Variants in EDN1 observed in about 807,000 individuals in gnomAD.
The protein encoded by EDN1 is endothelin-1.
Under a neutral mutation model 21.7 loss-of-function variants are expected in EDN1, and 11 were observed. The ratio of observed to expected loss-of-function variants is 0.51; its 90% confidence interval spans 0.32 to 0.84. The LOEUF is 0.84. EDN1 is among the 40% of genes least tolerant of loss of function. EDN1 has a pLI of 0.03. For synonymous variants in EDN1, 85 were observed against 90.6 expected (o/e 0.94, Z 0.35); for missense variants, 244 against 262.3 (o/e 0.93, Z 0.48).
the EDN1 span, among the ~76,000 whole-genome samples, chr6:12,260,012 A>C: frequency 1.3e-5 from 2 of 152,010 alleles, no homozygotes; most frequent in African/African-American, 4.8e-5. Flanking sequence ...ATTTCTCTAC[A>C]AAAAAAGGTA....
At chr6:12,257,831 C>T in the EDN1 span, among the ~76,000 whole-genome samples, 1 of 152,068 alleles carries the variant, frequency 6.6e-6, no homozygotes, top group Non-Finnish European at 1.5e-5. Flanking sequence ...AAAGGCTGCT[C>T]GAACAAAATA....
At chr6:12,295,263 C>T (rs1315618979) in intron 4 of EDN1, among the ~76,000 whole-genome samples, 1 of 152,120 alleles carries the variant, frequency 6.6e-6, no homozygotes, top group East Asian at 1.9e-4. Flanking sequence ...TGAACTACTT[C>T]TGAGTTATTT....
chr6:12,231,281 T>G, the EDN1 span, among the ~76,000 whole-genome samples: 1 of 152,116 alleles, frequency 6.6e-6, no homozygotes, highest in Non-Finnish European at 1.5e-5. Context: ...CATTTTTAAT[T>G]GTAAAAACCA....
rs1012072985 is a variant in EDN1 at position 12,296,722 on chromosome 6, C to T, written c.*655C>T. On this transcript the variant is annotated 3_prime_UTR_variant, in exon 5 of 5. Coordinates refer to ENST00000379375, the MANE Select transcript of EDN1 (RefSeq NM_001955.5). ...CCAAACTCTTCCCACCCCTGCTGCC[C>T]CTTCCTCCATCCCCCATACTAAATC... 1.3e-5 allele frequency: 2 copies of T among 153,022 alleles called. No individual in the cohort carries two copies. The highest frequency in any genetic ancestry group is 6.5e-5 in the Admixed American group (1 of 15,432). The allele number at this position is 153,022 out of a possible 1,614,324, so 9.5% of individuals were successfully genotyped here.
At chr6:12,270,792 G>C in the EDN1 span, among the ~76,000 whole-genome samples, 1 of 152,300 alleles carries the variant, frequency 6.6e-6, no homozygotes, top group African/African-American at 2.4e-5. Context: ...AGGTACATTT[G>C]GTTTAGAGTG....
At chr6:12,258,436 T>G in the EDN1 span, among the ~76,000 whole-genome samples, 1 of 102,296 alleles carries the variant, frequency 9.8e-6, no homozygotes. Flanking sequence ...GGTTTCGGAG[T>G]GAGATCATGT....
At chr6:12,240,192 T>C in the EDN1 span, among the ~76,000 whole-genome samples, 32 of 152,284 alleles carry the variant, frequency 2.1e-4, no homozygotes, top group African/African-American at 6.7e-4. Flanking sequence ...TGACCACCTT[T>C]CCCAGACAGC....
the EDN1 span, among the ~76,000 whole-genome samples, chr6:12,262,441 G>A: frequency 6.6e-6 from 1 of 152,314 alleles, no homozygotes; most frequent in East Asian, 1.9e-4. Flanking sequence ...TTCCCAGAGA[G>A]TAGATCTCAC....
At chr6:12,240,285 A>G in the EDN1 span, among the ~76,000 whole-genome samples, 2 of 152,224 alleles carry the variant, frequency 1.3e-5, no homozygotes, top group Non-Finnish European at 2.9e-5. Flanking sequence ...CATTTCCTAA[A>G]GGGAGAGAAA....
the EDN1 span, among the ~76,000 whole-genome samples, chr6:12,273,315 G>A: frequency 2.0e-5 from 3 of 152,184 alleles, no homozygotes; most frequent in Non-Finnish European, 4.4e-5. Context: ...ACCGCAGGTA[G>A]GTATTATGGC....
At chr6:12,233,221 C>T in the EDN1 span, among the ~76,000 whole-genome samples, 1 of 152,206 alleles carries the variant, frequency 6.6e-6, no homozygotes, top group Admixed American at 6.5e-5. Context: ...GCTCTGTCCT[C>T]CTACCTTTTC....
intron 2 of EDN1, 88 bp from the exon 3 acceptor site, chr6:12,293,853 G>C: frequency 1.4e-6 from 2 of 1,469,790 alleles, no homozygotes; most frequent in South Asian, 2.4e-5. Flanking sequence ...TGAGCTCCTT[G>C]TGTGCCCAGT....
chr6:12,285,937 A>G (rs1488988628), upstream of EDN1, among the ~76,000 whole-genome samples: 1 of 152,224 alleles, frequency 6.6e-6, no homozygotes, highest in East Asian at 1.9e-4. Flanking sequence ...GATTTCATGT[A>G]GTTTTTTTAA....
At chr6:12,283,990 T>G in the EDN1 span, among the ~76,000 whole-genome samples, 545 of 152,358 alleles carry the variant, frequency 3.6e-3, 3 homozygotes, top group Admixed American at 7.2e-3. Flanking sequence ...AACCTCAGCT[T>G]CCTCACCCCA....
At chr6:12,273,220 G>A in the EDN1 span, among the ~76,000 whole-genome samples, 2 of 152,192 alleles carry the variant, frequency 1.3e-5, no homozygotes, top group Admixed American at 6.5e-5. Context: ...AGAGAGTGGG[G>A]GCTAGGCCAG....
chr6:12,265,950 C>T, the EDN1 span, among the ~76,000 whole-genome samples: 1 of 152,196 alleles, frequency 6.6e-6, no homozygotes, highest in South Asian at 2.1e-4. Context: ...TCCCTTATTT[C>T]CCAATGACTC....
chr6:12,254,084 T>C, the EDN1 span, among the ~76,000 whole-genome samples: 2 of 152,230 alleles, frequency 1.3e-5, no homozygotes, highest in East Asian at 3.9e-4. Flanking sequence ...ACCCATCTGA[T>C]TATAACATTA....
At chr6:12,290,104 C>T (rs141841346), upstream of EDN1, among the ~76,000 whole-genome samples, 2 of 152,314 alleles carry the variant, frequency 1.3e-5, no homozygotes, top group African/African-American at 4.8e-5. Flanking sequence ...TCCAGCACTG[C>T]ACGGGCAGGT....
the EDN1 span, among the ~76,000 whole-genome samples, chr6:12,248,011 A>G: frequency 6.6e-6 from 1 of 152,112 alleles, no homozygotes; most frequent in Admixed American, 6.6e-5. Context: ...GTGTCCTTAT[A>G]AGAAGAAAAG....
Sources: allele counts gnomAD v4.1 joint callset (sites outside exome capture counted in the v4.1 genomes callset), GRCh38; gene constraint gnomAD v4.1.1; transcripts MANE v1.5; gene names NCBI Gene and HGNC (gene_info 2026-07-23, HGNC 2026-07-21).